Variants in NOTCH1 observed in about 807,000 individuals in gnomAD.
The protein encoded by NOTCH1 is neurogenic locus notch homolog protein 1.
In NOTCH1, 37 loss-of-function variants were observed where a neutral mutation model predicts 254.8. The observed-to-expected ratio is 0.15, with a 90% CI of 0.11 to 0.19. NOTCH1 has a LOEUF of 0.19. Ranked by LOEUF, NOTCH1 falls within the 10% of genes least tolerant of loss-of-function variation. The pLI, the probability that NOTCH1 is intolerant of heterozygous loss-of-function variation, is 1.00. For synonymous variants in NOTCH1, 1,731 were observed against 1,618.1 expected (o/e 1.07, Z -1.68); for missense variants, 2,972 against 3,708.6 (o/e 0.80, Z 5.16).
intron 2 of NOTCH1, chr9:136,543,376 T>G: frequency 4.9e-6 from 1 of 202,934 alleles, no homozygotes. Context: ...ACCCAGGAGG[T>G]GGCATCACCC....
Position 136,509,007 on chromosome 9 carries a change from C to A in NOTCH1, c.3034G>T (p.Gly1012Cys). Residue 1012 changes from glycine (G) to cysteine (C), a missense_variant, in exon 19 of 34, where the codon GGC (glycine) becomes TGC (cysteine). Physicochemically the swap from Gly to Cys is radical, Grantham distance 159. Around this residue, in one of 8 missense-constraint regions of NOTCH1, gnomAD observed 1,343 missense variants for 1,557.0 expected, o/e 0.86. Transcript: ENST00000651671. The part of the protein sequence containing the change: ...INSFTCLCPP[G>C]FTGSYCQHDV... ...TGCTGGCAGTAGCTGCCCGTGAAGC[C>A]GGGTGGACACAGGCAGGTGAACGAG... is the stretch of plus-strand genomic sequence containing the variant. The A allele has an allele frequency of 6.4e-7, 1 of 1,561,946 alleles. No individual in the cohort carries two copies. The highest frequency in any genetic ancestry group is 1.9e-4 in the Middle Eastern group (1 of 5,198).
intron 3 of NOTCH1, 90 bp downstream of exon 3, chr9:136,523,627 G>A (rs1843411643): frequency 2.7e-6 from 4 of 1,499,438 alleles, no homozygotes; most frequent in Non-Finnish European, 3.6e-6. Flanking sequence ...AGAGACCCGG[G>A]CCTGGATCCC....
chr9:136,538,616 C>T lies in NOTCH1; in HGVS notation c.140+5408G>A, dbSNP rs144605229. On this transcript the variant is annotated intron_variant, in intron 2 of 33. Transcript: ENST00000651671. ...CTCGTTAAAGCTGCTGGTATTTCCTCCTCAGCCCGGGGAAAGATCCGGAAA... is the reference window on the plus strand; with the variant it reads ...CTCGTTAAAGCTGCTGGTATTTCCTTCTCAGCCCGGGGAAAGATCCGGAAA... Among the ~76,000 whole-genome samples the T allele has an allele frequency of 4.3e-3, 653 of 152,352 alleles. 7 individuals are homozygous for T. Among genetic ancestry groups the T allele is most frequent in the African/African-American group, 0.015 (627 of 41,582 alleles).
At position 136,513,604 on chromosome 9, in the gene NOTCH1, C is replaced by T. The variant is rs774337077; in HGVS notation, c.2208-67G>A. 5.1e-6 allele frequency: 8 copies of T among 1,583,618 alleles called. No individual in the cohort carries two copies. The highest frequency in any genetic ancestry group is 4.0e-5 in the African/African-American group (3 of 74,282). ...AGCACGGCCGGGGCCTGGGCACTCC[C>T]GGGTCTGCAATGCCCTATGGGCTGG... is the stretch of plus-strand genomic sequence containing the variant. On this transcript the variant is annotated intron_variant, in intron 13 of 33. Coordinates refer to ENST00000651671, the MANE Select transcript of NOTCH1 (RefSeq NM_017617.5). The surrounding 1 kb of genome is among the most constrained non-coding windows in gnomAD (Gnocchi z 4.7).
chr9:136,511,197 C>T lies in NOTCH1; in HGVS notation c.2542G>A (p.Glu848Lys), dbSNP rs35136134. Residue 848 changes from glutamate (E) to lysine (K), a missense_variant, in exon 16 of 34, where the codon GAG becomes AAG. Physicochemically the swap from Glu to Lys is moderately conservative, Grantham distance 56. Transcript: ENST00000651671. ...ACACAGGAGAAGCTCTCATAGTCCT[C>T]GGATTGCCTGCACTCCCCGCCGTTT... ...CRNGGECRQS[E>K]DYESFSCVCP... is the part of the protein sequence containing the mutation. The T allele has an allele frequency of 3.6e-3, 5,825 of 1,612,852 alleles. 14 individuals carry two copies. The highest frequency in any genetic ancestry group is 5.6e-3 in the Admixed American group (334 of 60,022).
rs1012531519 is a variant in NOTCH1, at chr9:136,540,101, C to T, written c.140+3923G>A. On this transcript the variant is annotated intron_variant, in intron 2 of 33. Coordinates refer to ENST00000651671, the MANE Select transcript of NOTCH1 (RefSeq NM_017617.5). The surrounding 1 kb of genome is among the most constrained non-coding windows in gnomAD (Gnocchi z 4.4). ...CTCTGGGTCTCTTCTTCTCACTTATCGGTGCCTGATCCAGACAGCTTTACG... is the reference window on the plus strand; with the variant it reads ...CTCTGGGTCTCTTCTTCTCACTTATTGGTGCCTGATCCAGACAGCTTTACG... Among the ~76,000 whole-genome samples the T allele has an allele frequency of 2.0e-5, 3 of 152,204 alleles. No homozygotes were observed. Among genetic ancestry groups the T allele is most frequent in the African/African-American group, 4.8e-5 (2 of 41,452 alleles).
At position 136,502,618 on chromosome 9, in the gene NOTCH1, C is replaced by G. The variant is rs574375275; in HGVS notation, c.5168-130G>C. The G allele has an allele frequency of 5.1e-6, 3 of 589,982 alleles. No individual in the cohort carries two copies. In the South Asian group the frequency reaches 6.4e-5, roughly 13 times the overall value. The allele number at this position is 589,982 out of a possible 1,614,324, so 36.5% of individuals were successfully genotyped here. A position where few individuals can be genotyped will look rare whatever the true frequency, so the allele number is the denominator to read the frequency against. On this transcript the variant is annotated intron_variant, in intron 27 of 33. Transcript: ENST00000651671. ...CTCACCCACTCTCCTCCATCCCGCC[C>G]TCCAAAATAAGGTCATTTTCTACGC...
chr9:136,536,792 G>C (rs73668320), intron 2 of NOTCH1, among the ~76,000 whole-genome samples: 3,383 of 152,344 alleles, frequency 0.022, 117 homozygotes, highest in African/African-American at 0.077. Context: ...GGTTCTTAAG[G>C]GGCATGCTCC....
At chr9:136,531,069 G>A (rs1044185179) in intron 2 of NOTCH1, among the ~76,000 whole-genome samples, 30 of 152,362 alleles carry the variant, frequency 2.0e-4, no homozygotes, top group African/African-American at 5.5e-4. Flanking sequence ...GCAGTCGCCC[G>A]GAGGTGCTGA....
intron 5 of NOTCH1, among the ~76,000 whole-genome samples, chr9:136,519,064 A>G (rs1462308743): frequency 2.0e-5 from 3 of 152,192 alleles, no homozygotes; most frequent in Admixed American, 1.3e-4. Context: ...ACCCCACCAG[A>G]GGGTAATTCC....
rs1234648739 is a variant in NOTCH1 at position 136,546,020 on chromosome 9, G to A, written c.-234C>T. ...CCCGCGCCCCGCGCCCCGCGCCCTT[G>A]CGCTCCCTCCCGCGGCCGAGGCACT... On this transcript the variant is annotated 5_prime_UTR_variant, in exon 1 of 34. Transcript: ENST00000651671. Among the ~76,000 whole-genome samples the A allele has an allele frequency of 1.6e-4, 24 of 148,740 alleles. No homozygotes were observed. Among genetic ancestry groups the A allele is most frequent in the South Asian group, 2.1e-4 (1 of 4,792 alleles).
At position 136,495,814 on chromosome 9, in the gene NOTCH1, C is replaced by T; in HGVS notation, c.*257G>A. On this transcript the variant is annotated 3_prime_UTR_variant, in exon 34 of 34. Transcript: ENST00000651671. The stretch of plus-strand genomic sequence containing the variant: ...CGTAGGAAAACCCTGGCTCTCAGAA[C>T]TTGCTTGTTTTCTCAGAATAGATAA... The T allele has an allele frequency of 2.3e-6, 1 of 435,492 alleles. No homozygotes were observed. Among genetic ancestry groups the T allele is most frequent in the Non-Finnish European group, 4.1e-6 (1 of 246,056 alleles). 27.0% of individuals were successfully genotyped at this position (435,492 alleles called of 1,614,324 possible).
chr9:136,516,502 C>T (rs922402442), intron 9 of NOTCH1, among the ~76,000 whole-genome samples: 2 of 152,218 alleles, frequency 1.3e-5, no homozygotes, highest in East Asian at 3.9e-4. Flanking sequence ...TCACCCAGGC[C>T]CCTGAGAGTT....
chr9:136,518,982 C>A (rs761677278), intron 5 of NOTCH1, among the ~76,000 whole-genome samples, 158 bp from the exon 6 acceptor site: 1 of 152,240 alleles, frequency 6.6e-6, no homozygotes, highest in Non-Finnish European at 1.5e-5. Context: ...TCTGCAGGCC[C>A]AGCACCATGG....
intron 1 of NOTCH1, among the ~76,000 whole-genome samples, chr9:136,544,655 G>A (rs1843785260): frequency 6.6e-6 from 1 of 152,002 alleles, no homozygotes; most frequent in African/African-American, 2.4e-5. Context: ...GCCGGCCTCC[G>A]CCTCAGAATC....
rs756056361 is a variant in NOTCH1 at position 136,500,769 on chromosome 9, G to A, written c.5717C>T (p.Ala1906Val). 15 of 1,603,602 alleles carry A rather than the reference G, an allele frequency of 9.4e-6. No individual in the cohort carries two copies. Among genetic ancestry groups the A allele is most frequent in the Admixed American group, 5.0e-5 (3 of 60,010 alleles). ...GATGAAGTCGGAGATGACGGCCGGC[G>A]CGTCCTCCTCTTCCTCGCTGTTGCC... is the stretch of plus-strand genomic sequence containing the variant. ...ETGNSEEEEDAPAVISDFIYQ... is the reference protein window; with the variant it reads ...ETGNSEEEEDVPAVISDFIYQ... The change falls in exon 31 of 34, where the codon GCG (alanine) becomes GTG (valine). Residue 1906 changes from alanine to valine, a missense_variant. Ala to Val is a moderately conservative substitution (Grantham distance 64, BLOSUM62 0). Transcript: ENST00000651671.
In NOTCH1 at chr9:136,497,363, C is replaced by T. The variant is rs572960572; in HGVS notation, c.6376G>A (p.Gly2126Arg). The T allele has an allele frequency of 6.4e-5, 103 of 1,607,202 alleles. No individual in the cohort carries two copies. Among genetic ancestry groups the T allele is most frequent in the African/African-American group, 1.1e-4 (8 of 75,028 alleles). ...YNLVRSPQLHGAPLGGTPTLS... is the reference protein window; with the variant it reads ...YNLVRSPQLHRAPLGGTPTLS... ...GTGGGCGTGCCCCCCAGCGGGGCTC[C>T]GTGCAGCTGCGGGCTGCGCACCAGG... Residue 2126 changes from glycine to arginine, a missense_variant, in exon 34 of 34, where the codon GGA (glycine) becomes AGA (arginine). Gly to Arg is a moderately radical substitution (Grantham distance 125). Around this residue, in one of 8 missense-constraint regions of NOTCH1, gnomAD observed 529 missense variants for 529.2 expected, o/e 1.00. Coordinates refer to ENST00000651671, the MANE Select transcript of NOTCH1 (RefSeq NM_017617.5).
rs1260236772 is a variant in NOTCH1 at position 136,506,803 on chromosome 9, G to A, written c.3814C>T (p.Leu1272=). The change falls in exon 23 of 34, where the codon CTG becomes TTG. Residue 1272 remains leucine (L), a synonymous_variant. Transcript: ENST00000651671. The surrounding 1 kb of genome is among the most constrained non-coding windows in gnomAD (Gnocchi z 4.5). ...CCACGGGCGTCGCAGGGATTGGACA[G>A]GCACTCGTTGACATCCCCCTCACAG... ...ERCEGDVNEC[L]SNPCDARGTQ... 6.2e-6 allele frequency: 10 copies of A among 1,611,856 alleles called. No homozygotes were observed. The Admixed American group carries it at 8.3e-5, about 13-fold the overall frequency.
rs1254383949 is a variant in NOTCH1 at position 136,530,168 on chromosome 9, G to A, written c.141-6189C>T. The stretch of plus-strand genomic sequence containing the variant: ...GTCGCGGCCGGCCCGCCACAGCGCA[G>A]GGACCCAGCCGGGGTCTGAGCCGGG... On this transcript the variant is annotated intron_variant, in intron 2 of 33. Transcript: ENST00000651671. 2.6e-5 allele frequency among the ~76,000 whole-genome samples: 4 copies of A among 152,218 alleles called. No individual in the cohort carries two copies. The East Asian group carries it at 7.7e-4, about 29-fold the overall frequency.
Sources: allele counts gnomAD v4.1 joint callset (sites outside exome capture counted in the v4.1 genomes callset), GRCh38; gene constraint gnomAD v4.1.1; regional missense constraint gnomAD v4.1.1; non-coding constraint Gnocchi (gnomAD v3.1); transcripts MANE v1.5; gene names NCBI Gene and HGNC (gene_info 2026-07-23, HGNC 2026-07-21).